Variants in LTBP1 observed in about 807,000 individuals in gnomAD.
LTBP1 encodes latent-transforming growth factor beta-binding protein 1.
A neutral mutation model predicts 207.6 loss-of-function variants in LTBP1; 129 were observed. The ratio of observed to expected loss-of-function variants is 0.62; its 90% CI spans 0.54 to 0.72. LTBP1 has a LOEUF of 0.72. Among genes scored for constraint, LTBP1 ranks in the 30% least tolerant of loss-of-function variants. LTBP1 has a pLI of 0.00. For missense variants in LTBP1, 2,281 were observed against 2,217.2 expected, an observed-to-expected ratio of 1.03 and a Z score of -0.58; for synonymous variants, 963 against 833.7, an observed-to-expected ratio of 1.16 and a Z score of -2.67.
chr2:33,335,868 A>G (rs1042711439), intron 24 of LTBP1, among the ~76,000 whole-genome samples: 1 of 152,260 alleles, frequency 6.6e-6, no homozygotes, highest in East Asian at 1.9e-4. Context: ...CTGGCACCAA[A>G]TACTTAACCA....
At chr2:33,180,622 T>C (rs916055793) in intron 5 of LTBP1, among the ~76,000 whole-genome samples, 5 of 151,842 alleles carry the variant, frequency 3.3e-5, no homozygotes, top group African/African-American at 1.2e-4. Context: ...TGGCTAATTT[T>C]TGGGATGTTT....
At chr2:33,188,518 CTT>C in intron 6 of LTBP1, 57 bp from the exon 7 acceptor site, 11 of 1,324,802 alleles carry the variant, frequency 8.3e-6, no homozygotes, top group East Asian at 2.7e-5. Flanking sequence ...TGTTTTAAAA[CTT>C]TTGATTTGCC....
chr2:33,125,212 A>G (rs1572745689), intron 4 of LTBP1, among the ~76,000 whole-genome samples: 1 of 152,244 alleles, frequency 6.6e-6, no homozygotes, highest in Non-Finnish European at 1.5e-5. Flanking sequence ...AAGAAAGAAC[A>G]AGGGCTTGCA....
chr2:33,293,103 A>C, intron 19 of LTBP1, 57 bp from the exon 20 acceptor site: 2 of 1,562,026 alleles, frequency 1.3e-6, no homozygotes, highest in Non-Finnish European at 1.7e-6. Flanking sequence ...ATTTAACTTT[A>C]TCCATGTTTT....
chr2:33,223,778 T>C (rs1317950495), intron 9 of LTBP1, among the ~76,000 whole-genome samples: 1 of 152,190 alleles, frequency 6.6e-6, no homozygotes, highest in Non-Finnish European at 1.5e-5. Flanking sequence ...TATTGTCTTT[T>C]GGTTAATAAA....
At position 33,292,895 on chromosome 2, in the gene LTBP1, A is replaced by G. The variant is rs114995435; in HGVS notation, c.3113-265A>G. ...CGTCTCTTCCTTCCTCCCCCCTACA[A>G]CAAGCCATCTTTACTTCTTGAATTT... is the stretch of plus-strand genomic sequence containing the variant. On this transcript the variant is annotated intron_variant, in intron 19 of 33. Transcript: ENST00000404816. 9.8e-3 allele frequency among the ~76,000 whole-genome samples: 1,488 copies of G among 152,152 alleles called. 32 individuals carry two copies. The highest frequency in any genetic ancestry group is 0.034 in the African/African-American group (1,413 of 41,510).
At chr2:33,131,144 C>T (rs547091975) in intron 4 of LTBP1, among the ~76,000 whole-genome samples, 154 of 152,296 alleles carry the variant, frequency 1.0e-3, no homozygotes, top group Non-Finnish European at 1.8e-3. Flanking sequence ...GTCACCCTTG[C>T]CCCATGCTTC....
intron 24 of LTBP1, among the ~76,000 whole-genome samples, chr2:33,316,410 G>A (rs550566528): frequency 1.6e-4 from 24 of 152,336 alleles, no homozygotes; most frequent in Admixed American, 9.8e-4. Flanking sequence ...GAACCAAGCC[G>A]TGTGCCAGCA....
At chr2:33,120,837 T>C (rs2150383314) in intron 4 of LTBP1, among the ~76,000 whole-genome samples, 1 of 152,300 alleles carries the variant, frequency 6.6e-6, no homozygotes, top group Non-Finnish European at 1.5e-5. Flanking sequence ...TTTTTTAAAG[T>C]AATTTTTTTC....
intron 2 of LTBP1, among the ~76,000 whole-genome samples, chr2:32,999,922 A>G (rs1685846510): frequency 7.5e-6 from 1 of 134,142 alleles, no homozygotes; most frequent in African/African-American, 2.6e-5. Flanking sequence ...GAGGGATGGA[A>G]TGTGGTATCT....
chr2:33,229,584 A>G (rs1481350478), intron 9 of LTBP1, among the ~76,000 whole-genome samples: 1 of 152,262 alleles, frequency 6.6e-6, no homozygotes, highest in African/African-American at 2.4e-5. Context: ...TATTAATAAA[A>G]ATACCACTTT....
intron 9 of LTBP1, among the ~76,000 whole-genome samples, chr2:33,227,988 G>T (rs1202158040): frequency 1.3e-4 from 19 of 151,622 alleles, no homozygotes; most frequent in Admixed American, 1.2e-3. Context: ...TATATTTTCA[G>T]TAGAGACGGG....
At chr2:33,147,251 A>G (rs1258988604) in intron 5 of LTBP1, among the ~76,000 whole-genome samples, 1 of 152,192 alleles carries the variant, frequency 6.6e-6, no homozygotes, top group African/African-American at 2.4e-5. Flanking sequence ...AATGTAGGCA[A>G]TTGTTATACT....
chr2:33,332,138 T>C (rs2094500685), intron 24 of LTBP1, among the ~76,000 whole-genome samples: 1 of 151,914 alleles, frequency 6.6e-6, no homozygotes, highest in African/African-American at 2.4e-5. Context: ...TGTTTATTCC[T>C]GTTAGGGTGG....
At chr2:33,154,657 T>A (rs146861592) in intron 5 of LTBP1, among the ~76,000 whole-genome samples, 229 of 152,298 alleles carry the variant, frequency 1.5e-3, no homozygotes, top group African/African-American at 5.3e-3. Context: ...ATAATGAAAG[T>A]CTTAGTATAC....
intron 7 of LTBP1, among the ~76,000 whole-genome samples, chr2:33,201,391 C>T (rs1454753906): frequency 6.6e-6 from 1 of 151,466 alleles, no homozygotes; most frequent in Non-Finnish European, 1.5e-5. Context: ...AAAAACCAAA[C>T]ACCGCATATT....
chr2:33,257,241 C>A, intron 11 of LTBP1, 43 bp from the exon 12 acceptor site: 1 of 1,465,154 alleles, frequency 6.8e-7, no homozygotes, highest in Non-Finnish European at 9.6e-7. Flanking sequence ...TAAGTTTGCA[C>A]TGTTAGATTT....
intron 3 of LTBP1, among the ~76,000 whole-genome samples, chr2:33,082,431 ACTTTTTTTTTTTTTTTTTTTT>A (rs1264013573): frequency 1.2e-4 from 14 of 116,038 alleles, no homozygotes; most frequent in Middle Eastern, 4.8e-3. Flanking sequence ...AGTATGACTC[ACTTTTTTTTTTTTTTTTTTTT>A]TTTTTTTTTT....
intron 3 of LTBP1, among the ~76,000 whole-genome samples, chr2:33,052,180 C>T (rs982674868): frequency 2.0e-4 from 30 of 152,220 alleles, no homozygotes; most frequent in Admixed American, 4.6e-4. Flanking sequence ...CAGTGGAGGG[C>T]CACGTCATTC....
Sources: allele counts gnomAD v4.1 joint callset (sites outside exome capture counted in the v4.1 genomes callset), GRCh38; gene constraint gnomAD v4.1.1; transcripts MANE v1.5; gene names NCBI Gene and HGNC (gene_info 2026-07-23, HGNC 2026-07-21).